PARD3B: variants seen among roughly 807,000 people sequenced by gnomAD.
PARD3B encodes partitioning defective 3 homolog B.
Under a neutral mutation model 130.2 loss-of-function variants are expected in PARD3B, and 103 were observed. The ratio of observed to expected loss-of-function variants is 0.79; its 90% confidence interval spans 0.67 to 0.93. PARD3B has a LOEUF of 0.93. PARD3B is among the 40% of genes least tolerant of loss of function. The pLI is 0.00. For synonymous variants in PARD3B, 583 were observed against 553.2 expected, an observed-to-expected ratio of 1.05 and a Z score of -0.76; for missense variants, 1,609 against 1,499.2, an observed-to-expected ratio of 1.07 and a Z score of -1.21.
intron 1 of PARD3B, among the ~76,000 whole-genome samples, chr2:204,617,275 T>A (rs1236725340): frequency 1.3e-5 from 2 of 152,220 alleles, no homozygotes; most frequent in South Asian, 2.1e-4. Flanking sequence ...CTCATCTTGA[T>A]TCTTTCAAGC....
At chr2:204,958,818 T>C (rs1189580236) in intron 2 of PARD3B, among the ~76,000 whole-genome samples, 1 of 152,182 alleles carries the variant, frequency 6.6e-6, no homozygotes, top group African/African-American at 2.4e-5. Context: ...ATATTGATCA[T>C]AATAACCTTA....
chr2:205,400,969 C>A (rs774753178), intron 18 of PARD3B, 44 bp from the exon 19 acceptor site: 9 of 1,430,746 alleles, frequency 6.3e-6, no homozygotes, highest in Non-Finnish European at 8.7e-6. Flanking sequence ...ACCGCAAAAA[C>A]AATGTGATTA....
At chr2:205,362,001 A>AC (rs1553685126) in intron 18 of PARD3B, among the ~76,000 whole-genome samples, 2 of 151,260 alleles carry the variant, frequency 1.3e-5, no homozygotes, top group East Asian at 2.0e-4. Flanking sequence ...TTAGAGTAAT[A>AC]TTTTTTTTAG....
intron 1 of PARD3B, among the ~76,000 whole-genome samples, chr2:204,660,396 T>G (rs2035765093): frequency 6.6e-6 from 1 of 152,190 alleles, no homozygotes; most frequent in African/African-American, 2.4e-5. Context: ...TATTAAACAT[T>G]TAAAACAAAT....
At chr2:205,094,224 A>T (rs1702273337) in intron 4 of PARD3B, among the ~76,000 whole-genome samples, 1 of 152,214 alleles carries the variant, frequency 6.6e-6, no homozygotes, top group Admixed American at 6.5e-5. Flanking sequence ...TCCAATAAAG[A>T]TGTCACAAAG....
In PARD3B at chr2:204,681,447, G is replaced by T. The variant is rs201399469; in HGVS notation, c.121-4734G>T. Among the ~76,000 whole-genome samples the T allele has an allele frequency of 1.1e-4, 16 of 152,264 alleles. No homozygotes were observed. In the East Asian group the frequency reaches 2.9e-3, roughly 28 times the overall value. On this transcript the variant is annotated intron_variant, in intron 1 of 22. Transcript: ENST00000406610. ...AAACATACTGTAGTTAATTCAAACA[G>T]CCTCAGCCCATGTTCTTCTACTAGG...
chr2:204,584,257 AG>A (rs1234121217), intron 1 of PARD3B, among the ~76,000 whole-genome samples: 1 of 152,200 alleles, frequency 6.6e-6, no homozygotes, highest in African/African-American at 2.4e-5. Flanking sequence ...CTTTTCCTCA[AG>A]GTATTTATGG....
intron 18 of PARD3B, among the ~76,000 whole-genome samples, chr2:205,327,653 C>G (rs944243251): frequency 2.0e-5 from 3 of 152,144 alleles, no homozygotes; most frequent in African/African-American, 7.2e-5. Flanking sequence ...TCTTAGCTAG[C>G]TGGGCAAACT....
intron 21 of PARD3B, among the ~76,000 whole-genome samples, chr2:205,511,182 A>T (rs533411234): frequency 6.6e-6 from 1 of 152,274 alleles, no homozygotes; most frequent in African/African-American, 2.4e-5. Flanking sequence ...TATTGAACCA[A>T]AATCAAAGTG....
At chr2:204,562,783 C>T (rs987074587) in intron 1 of PARD3B, among the ~76,000 whole-genome samples, 4 of 151,776 alleles carry the variant, frequency 2.6e-5, no homozygotes, top group Admixed American at 2.6e-4. Flanking sequence ...AAACATTTTC[C>T]CAGAACCTTA....
At chr2:205,108,190 G>A (rs1482836415) in intron 5 of PARD3B, among the ~76,000 whole-genome samples, 1 of 152,112 alleles carries the variant, frequency 6.6e-6, no homozygotes, top group Non-Finnish European at 1.5e-5. Context: ...GTTTCAGCTA[G>A]ATTATTGCAA....
chr2:204,780,465 G>T (rs1381438001), intron 2 of PARD3B, among the ~76,000 whole-genome samples: 3 of 152,156 alleles, frequency 2.0e-5, no homozygotes, highest in Non-Finnish European at 4.4e-5. Context: ...ATACATAATA[G>T]AAGTGTGTTC....
At chr2:204,891,586 T>C (rs1284596018) in intron 2 of PARD3B, among the ~76,000 whole-genome samples, 2 of 152,210 alleles carry the variant, frequency 1.3e-5, no homozygotes, top group African/African-American at 4.8e-5. Flanking sequence ...GGAGAGATTC[T>C]AATATTGCTT....
At chr2:204,727,688 T>TCA (rs2039297755) in intron 2 of PARD3B, among the ~76,000 whole-genome samples, 2 of 152,132 alleles carry the variant, frequency 1.3e-5, no homozygotes, top group Non-Finnish European at 1.5e-5. Context: ...AATACACGTA[T>TCA]TTAATAAGCT....
chr2:205,025,332 C>T (rs1008440753), intron 3 of PARD3B, among the ~76,000 whole-genome samples: 2 of 152,194 alleles, frequency 1.3e-5, no homozygotes, highest in East Asian at 1.9e-4. Flanking sequence ...TTCGTTTGGA[C>T]TGCTGTCATT....
chr2:205,083,269 G>C (rs1262627912), intron 4 of PARD3B, among the ~76,000 whole-genome samples: 1 of 150,530 alleles, frequency 6.6e-6, no homozygotes, highest in East Asian at 2.0e-4. Flanking sequence ...CTGTTATATA[G>C]TAATATTCTT....
rs1701197811 is a variant in PARD3B at position 205,078,338 on chromosome 2, T to A, written c.505-26088T>A. ...GGTTCACTCAATGGCTATCGCAGCA[T>A]CATTCTTCATAATTTTTATTAATTG... is the stretch of plus-strand genomic sequence containing the variant. On this transcript the variant is annotated intron_variant, in intron 4 of 22. Transcript: ENST00000406610. The surrounding 1 kb of genome is among the most constrained non-coding windows in gnomAD (Gnocchi z 4.0). Among the ~76,000 whole-genome samples the A allele has an allele frequency of 6.6e-6, 1 of 152,212 alleles. No homozygotes were observed. Among genetic ancestry groups the A allele is most frequent in the East Asian group, 1.9e-4 (1 of 5,192 alleles).
rs149605198 is a variant in PARD3B at position 205,338,735 on chromosome 2, G to A, written c.2630+37034G>A. Among the ~76,000 whole-genome samples the A allele has an allele frequency of 7.2e-4, 110 of 152,242 alleles. 1 individual carries two copies. The highest frequency in any genetic ancestry group is 2.3e-3 in the African/African-American group (94 of 41,564). On this transcript the variant is annotated intron_variant, in intron 18 of 22. Coordinates refer to ENST00000406610, the MANE Select transcript of PARD3B (RefSeq NM_001302769.2). ...TAACCATGAGAAAACCTATTCAAGT[G>A]GGAATATAATTCTATAAACCTAACT...
At chr2:204,809,382 T>C (rs992091952) in intron 2 of PARD3B, among the ~76,000 whole-genome samples, 4 of 152,174 alleles carry the variant, frequency 2.6e-5, no homozygotes, top group Non-Finnish European at 5.9e-5. Context: ...TTACCTAGGT[T>C]GTCTTCCAGG....
Sources: allele counts gnomAD v4.1 joint callset (sites outside exome capture counted in the v4.1 genomes callset), GRCh38; gene constraint gnomAD v4.1.1; non-coding constraint Gnocchi (gnomAD v3.1); transcripts MANE v1.5; gene names NCBI Gene and HGNC (gene_info 2026-07-23, HGNC 2026-07-21).